The following MCF2L2 variants were observed in gnomAD, a reference collection of about 807,000 sequenced individuals.
The protein encoded by MCF2L2 is probable guanine nucleotide exchange factor MCF2L2.
In MCF2L2, 102 loss-of-function variants were observed where a neutral mutation model predicts 150.2. The ratio of observed to expected loss-of-function variants is 0.68; its 90% CI spans 0.58 to 0.80. The LOEUF is 0.80. Ranked by LOEUF, MCF2L2 falls within the 30% of genes least tolerant of loss-of-function variation. The probability of loss-of-function intolerance (pLI) is 0.00; values close to 1 mark genes in which losing one functional copy is unlikely to be tolerated. For missense variants in MCF2L2, 1,256 were observed against 1,372.8 expected (o/e 0.91, Z 1.34); for synonymous variants, 465 against 491.3 (o/e 0.95, Z 0.71).
intron 3 of MCF2L2, among the ~76,000 whole-genome samples, chr3:183,344,719 G>C (rs1730832090): frequency 6.6e-6 from 1 of 152,000 alleles, no homozygotes; most frequent in African/African-American, 2.4e-5. Context: ...TCAAAATAAA[G>C]GGATAGAGGA....
chr3:183,400,289 G>A (rs2108610493), intron 1 of MCF2L2: 1 of 329,260 alleles, frequency 3.0e-6, no homozygotes, highest in East Asian at 8.7e-5. Flanking sequence ...AAATCATTAT[G>A]CTAAGAATGA....
chr3:183,280,376 T>C (rs901199225), intron 14 of MCF2L2, among the ~76,000 whole-genome samples: 1 of 152,196 alleles, frequency 6.6e-6, no homozygotes, highest in African/African-American at 2.4e-5. Flanking sequence ...ACTTAGATTT[T>C]GAAAAGTCCC....
rs530334080 is a variant in MCF2L2 at position 183,295,977 on chromosome 3, C to A, written c.1498-500G>T. Among the ~76,000 whole-genome samples, 42 of 152,204 alleles carry A rather than the reference C, an allele frequency of 2.8e-4. No individual in the cohort carries two copies. The South Asian group carries it at 8.7e-3, about 32-fold the overall frequency. Reference sequence around the variant, plus strand: ...TCTCAGAAATAAACAAACAAACAAACAATTAGAATACAATGTGGCTTGTGT... The same window carrying A: ...TCTCAGAAATAAACAAACAAACAAAAAATTAGAATACAATGTGGCTTGTGT... On this transcript the variant is annotated intron_variant, in intron 12 of 29. Coordinates refer to ENST00000328913, the MANE Select transcript of MCF2L2 (RefSeq NM_015078.4).
chr3:183,253,688 C>T (rs1282056587), intron 15 of MCF2L2: 1 of 152,420 alleles, frequency 6.6e-6, no homozygotes, highest in Non-Finnish European at 1.5e-5. Flanking sequence ...AAAAGACCAT[C>T]CTAATCCGCG....
chr3:183,263,292 A>G (rs1362182726), intron 15 of MCF2L2, among the ~76,000 whole-genome samples: 1 of 152,094 alleles, frequency 6.6e-6, no homozygotes, highest in Non-Finnish European at 1.5e-5. Flanking sequence ...AATACAGTTC[A>G]CTGTTGCTTT....
chr3:183,408,853 C>G (rs1715176851), intron 1 of MCF2L2, among the ~76,000 whole-genome samples: 1 of 152,224 alleles, frequency 6.6e-6, no homozygotes, highest in African/African-American at 2.4e-5. Context: ...CACATGCATA[C>G]AGTTTGTACT....
Position 183,309,550 on chromosome 3 carries a change from T to C in MCF2L2, c.1113+166A>G, listed in dbSNP as rs140863917. ...GACTCTGTGCTGCCCGTATTATTCA[T>C]AGCAGTTGTTAATGTGCCTCTCTCC... On this transcript the variant is annotated intron_variant, in intron 10 of 29. Coordinates refer to ENST00000328913, the MANE Select transcript of MCF2L2 (RefSeq NM_015078.4). Among the ~76,000 whole-genome samples, 427 of 152,252 alleles carry C rather than the reference T, an allele frequency of 2.8e-3. 3 individuals are homozygous for C. The highest frequency in any genetic ancestry group is 9.8e-3 in the African/African-American group (409 of 41,554).
In MCF2L2 at chr3:183,288,998, A is replaced by C. The variant is rs1577027869; in HGVS notation, c.1776+122T>G. On this transcript the variant is annotated intron_variant, in intron 14 of 29. Transcript: ENST00000328913. ...ATAAACCCCAGTTCTTGAAAGCATT[A>C]GTCTGTGCTATGTGCCTTAGGTACA... The C allele has an allele frequency of 1.4e-5, 9 of 663,558 alleles. No homozygotes were observed. In the East Asian group the frequency reaches 2.4e-4, roughly 18 times the overall value. The allele number at this position is 663,558 out of a possible 1,614,324, so 41.1% of individuals were successfully genotyped here.
intron 25 of MCF2L2, among the ~76,000 whole-genome samples, chr3:183,196,158 G>A (rs1254793876): frequency 2.6e-5 from 4 of 152,072 alleles, no homozygotes; most frequent in East Asian, 1.9e-4. Context: ...CATCAGTGAT[G>A]CTCTTCTCTT....
At chr3:183,282,209 T>C (rs1032401641) in intron 14 of MCF2L2, among the ~76,000 whole-genome samples, 1 of 151,104 alleles carries the variant, frequency 6.6e-6, no homozygotes, top group Non-Finnish European at 1.5e-5. Context: ...GACAGAGTCT[T>C]GTGCTGTCGC....
At chr3:183,388,865 T>A (rs1713978100) in intron 2 of MCF2L2, among the ~76,000 whole-genome samples, 1 of 151,170 alleles carries the variant, frequency 6.6e-6, no homozygotes, top group Non-Finnish European at 1.5e-5. Flanking sequence ...GAGATGTGAC[T>A]TTTTTTTTAA....
intron 5 of MCF2L2, among the ~76,000 whole-genome samples, chr3:183,336,526 A>G (rs1382102415): frequency 6.6e-6 from 1 of 152,128 alleles, no homozygotes; most frequent in Non-Finnish European, 1.5e-5. Flanking sequence ...TGATAAATGT[A>G]TATAGACATG....
rs1173454069 is a variant in MCF2L2 at position 183,389,735 on chromosome 3, T to C, written c.121A>G (p.Ile41Val). 6.2e-7 allele frequency: 1 copy of C among 1,614,048 alleles called. No individual in the cohort carries two copies. The highest frequency in any genetic ancestry group is 1.7e-5 in the Admixed American group (1 of 60,004). Residue 41 changes from isoleucine (I) to valine (V), a missense_variant, in exon 2 of 30, where the codon ATA becomes GTA. Physicochemically the swap from Ile to Val is conservative, Grantham distance 29. Coordinates refer to ENST00000328913, the MANE Select transcript of MCF2L2 (RefSeq NM_015078.4). ...AATTGTCTGTGAAGTTGTTCTATTATCTCCACCGCCATCAGGGGTCTGACT... is the reference window on the plus strand; with the variant it reads ...AATTGTCTGTGAAGTTGTTCTATTACCTCCACCGCCATCAGGGGTCTGACT... ...QEVRPLMAVE[I>V]IEQLHRQFAI...
intron 3 of MCF2L2, chr3:183,373,138 G>A (rs911904672): frequency 6.6e-5 from 10 of 152,148 alleles, no homozygotes; most frequent in African/African-American, 2.4e-4. Context: ...TTGTGCTATT[G>A]TTATAAGCTG....
chr3:183,194,647 T>C (rs1363665869), intron 26 of MCF2L2, among the ~76,000 whole-genome samples: 2 of 152,148 alleles, frequency 1.3e-5, no homozygotes, highest in East Asian at 3.8e-4. Flanking sequence ...CTACCTCAAC[T>C]GGCAATACAG....
intron 15 of MCF2L2, among the ~76,000 whole-genome samples, chr3:183,242,035 G>A (rs1560362280): frequency 6.6e-6 from 1 of 152,200 alleles, no homozygotes; most frequent in African/African-American, 2.4e-5. Context: ...TTGAACTTGA[G>A]AGAGATGATT....
intron 1 of MCF2L2, among the ~76,000 whole-genome samples, chr3:183,419,501 C>T (rs1715767839): frequency 6.6e-6 from 1 of 152,214 alleles, no homozygotes; most frequent in Non-Finnish European, 1.5e-5. Context: ...GCTCTGCTTC[C>T]CTTTTAAACA....
intron 3 of MCF2L2, among the ~76,000 whole-genome samples, chr3:183,370,949 G>A (rs938159734): frequency 1.3e-5 from 2 of 152,192 alleles, no homozygotes; most frequent in East Asian, 3.9e-4. Context: ...CCACATGACT[G>A]TACACTCTGG....
chr3:183,269,753 G>A (rs772242170), intron 15 of MCF2L2: 9 of 1,532,086 alleles, frequency 5.9e-6, no homozygotes, highest in African/African-American at 4.1e-5. Context: ...GAAGAAGCCC[G>A]TGCCTGTTTA....
Sources: gnomAD v4.1 joint callset for allele counts (sites outside exome capture counted in the v4.1 genomes callset) on GRCh38, gnomAD v4.1.1 for gene constraint, MANE v1.5 for transcripts, NCBI Gene and HGNC (gene_info 2026-07-23, HGNC 2026-07-21) for gene names.